HORMAD2: variants seen among roughly 807,000 people sequenced by gnomAD.
HORMAD2 encodes HORMA domain containing 2.
Under a neutral mutation model 38.8 loss-of-function variants are expected in HORMAD2, and 45 were observed. The ratio of observed to expected loss-of-function variants is 1.16; its 90% CI spans 0.91 to 1.49. The LOEUF (loss-of-function observed/expected upper bound fraction) is 1.49, where lower values mean the gene tolerates loss of function less well. Ranked by LOEUF, HORMAD2 falls within the 40% of genes most tolerant of loss-of-function variation. The pLI, the probability that HORMAD2 is intolerant of heterozygous loss-of-function variation, is 0.00. For missense variants in HORMAD2, 338 were observed against 367.0 expected, an observed-to-expected ratio of 0.92 and a Z score of 0.65; for synonymous variants, 126 against 122.8, an observed-to-expected ratio of 1.03 and a Z score of -0.17.
chr22:30,134,423 T>TAATATATATATAAATAAATA (rs1923512532), intron 10 of HORMAD2, among the ~76,000 whole-genome samples: 1 of 147,230 alleles, frequency 6.8e-6, no homozygotes, highest in Admixed American at 6.8e-5. Flanking sequence ...ATATTTATGA[T>TAATATATATATAAATAAATA]TATACTTAAA....
At chr22:30,180,515 A>G (rs1926653008), downstream of HORMAD2, among the ~76,000 whole-genome samples, 1 of 152,220 alleles carries the variant, frequency 6.6e-6, no homozygotes, top group Non-Finnish European at 1.5e-5. Context: ...GTGAAGAAAA[A>G]GCCTAGGCTG....
intron 10 of HORMAD2, among the ~76,000 whole-genome samples, chr22:30,125,229 T>C (rs1429410835): frequency 1.3e-5 from 1 of 79,982 alleles, no homozygotes; most frequent in Non-Finnish European, 2.2e-5. Flanking sequence ...TTTTTTTTTT[T>C]TTTTTTTTTT....
chr22:30,165,030 T>C (rs1307218144), intron 10 of HORMAD2, among the ~76,000 whole-genome samples: 1 of 152,184 alleles, frequency 6.6e-6, no homozygotes, highest in Non-Finnish European at 1.5e-5. Flanking sequence ...TCCAATGTTA[T>C]GATGATTTTC....
chr22:30,119,505 A>G (rs1569096332), intron 8 of HORMAD2, among the ~76,000 whole-genome samples: 2 of 152,170 alleles, frequency 1.3e-5, no homozygotes, highest in African/African-American at 4.8e-5. Context: ...GTGTCCTTGT[A>G]TGAAAAGATT....
chr22:30,191,528 T>C, the HORMAD2 span, among the ~76,000 whole-genome samples: 1 of 152,144 alleles, frequency 6.6e-6, no homozygotes, highest in African/African-American at 2.4e-5. Context: ...TTAGAGTCAA[T>C]GATCTAATAG....
intron 2 of HORMAD2, among the ~76,000 whole-genome samples, chr22:30,097,815 A>G (rs1460513145): frequency 6.6e-6 from 1 of 152,234 alleles, no homozygotes; most frequent in Admixed American, 6.5e-5. Context: ...AATATGGAAG[A>G]CAGGTTGAAT....
chr22:30,117,383 A>G (rs909232761), intron 7 of HORMAD2, among the ~76,000 whole-genome samples: 1 of 152,172 alleles, frequency 6.6e-6, no homozygotes, highest in Admixed American at 6.5e-5. Context: ...ACTGTATGAC[A>G]TATCTGGGCC....
At chr22:30,120,390 G>A (rs1922346872) in intron 8 of HORMAD2, among the ~76,000 whole-genome samples, 1 of 152,128 alleles carries the variant, frequency 6.6e-6, no homozygotes, top group African/African-American at 2.4e-5. Context: ...CTTAATAAAT[G>A]TTTGCTTCAT....
At chr22:30,205,440 C>T in the HORMAD2 span, among the ~76,000 whole-genome samples, 11 of 152,132 alleles carry the variant, frequency 7.2e-5, no homozygotes, top group Non-Finnish European at 1.3e-4. Flanking sequence ...GTTTCGCAGA[C>T]GGGGAAAGTG....
intron 10 of HORMAD2, among the ~76,000 whole-genome samples, chr22:30,152,384 A>G (rs1422176010): frequency 1.3e-5 from 2 of 152,002 alleles, no homozygotes; most frequent in African/African-American, 4.8e-5. Flanking sequence ...TAGAAATAGC[A>G]TCTTGCTTTA....
chr22:30,159,748 AT>A (rs951333040), intron 10 of HORMAD2, among the ~76,000 whole-genome samples: 20 of 149,482 alleles, frequency 1.3e-4, no homozygotes, highest in South Asian at 2.1e-4. Flanking sequence ...GAAAATGCTC[AT>A]TTTTTTTTTC....
At chr22:30,199,817 G>A in the HORMAD2 span, among the ~76,000 whole-genome samples, 2,390 of 150,962 alleles carry the variant, frequency 0.016, 25 homozygotes, top group Middle Eastern at 0.028. Flanking sequence ...TGATGATGAC[G>A]AGTCAAGGAT....
intron 3 of HORMAD2, 141 bp from the exon 4 acceptor site, chr22:30,103,296 A>T: frequency 1.7e-6 from 1 of 600,366 alleles, no homozygotes; most frequent in Non-Finnish European, 3.0e-6. Flanking sequence ...ATGTTTAGAG[A>T]TCCAAAATGT....
the HORMAD2 span, among the ~76,000 whole-genome samples, chr22:30,189,632 A>G: frequency 0.064 from 9,684 of 152,136 alleles, 344 homozygotes; most frequent in Middle Eastern, 0.11. Context: ...CACGTGTACC[A>G]TGGCCTTGCT....
intron 2 of HORMAD2, among the ~76,000 whole-genome samples, chr22:30,096,372 G>A (rs991658176): frequency 6.6e-6 from 1 of 152,050 alleles, no homozygotes; most frequent in Non-Finnish European, 1.5e-5. Flanking sequence ...TTCCAAAGAG[G>A]TTGTGCCCAT....
chr22:30,112,644 G>A, intron 7 of HORMAD2, 122 bp downstream of exon 7: 1 of 444,044 alleles, frequency 2.3e-6, no homozygotes, highest in South Asian at 6.7e-5. Flanking sequence ...AACTAATAGT[G>A]GGCTCTTTCA....
At chr22:30,187,166 T>C in the HORMAD2 span, among the ~76,000 whole-genome samples, 2 of 152,246 alleles carry the variant, frequency 1.3e-5, no homozygotes, top group Non-Finnish European at 2.9e-5. Flanking sequence ...GCTTTCTTCA[T>C]TTAACACTTA....
At chr22:30,101,202 G>A (rs1433869593) in intron 3 of HORMAD2, among the ~76,000 whole-genome samples, 1 of 152,184 alleles carries the variant, frequency 6.6e-6, no homozygotes, top group Non-Finnish European at 1.5e-5. Context: ...ATCAATGATA[G>A]ACTGGATAAA....
intron 1 of HORMAD2, among the ~76,000 whole-genome samples, chr22:30,091,268 T>C: frequency 2.8e-5 from 1 of 35,802 alleles, no homozygotes; most frequent in Non-Finnish European, 4.9e-5. Flanking sequence ...CTTTCTTTCT[T>C]TTTTTTTTTT....
Sources: gnomAD v4.1 joint callset for allele counts (sites outside exome capture counted in the v4.1 genomes callset) on GRCh38, gnomAD v4.1.1 for gene constraint, MANE v1.5 for transcripts, NCBI Gene and HGNC (gene_info 2026-07-23, HGNC 2026-07-21) for gene names.